NMRK2: variants seen among roughly 807,000 people sequenced by gnomAD.
NMRK2 encodes nicotinamide riboside kinase 2, also known as NRK 2.
A neutral mutation model predicts 24.7 loss-of-function variants in NMRK2; 34 were observed. The ratio of observed to expected loss-of-function variants is 1.37; its 90% confidence interval spans 1.05 to 1.83. The LOEUF is 1.83. NMRK2 is among the 40% of genes most tolerant of loss of function. NMRK2 has a pLI of 0.00. For synonymous variants in NMRK2, 145 were observed against 125.6 expected, an observed-to-expected ratio of 1.15 and a Z score of -1.03; for missense variants, 341 against 315.0, an observed-to-expected ratio of 1.08 and a Z score of -0.62.
rs146363585 is a variant in NMRK2, at chr19:3,942,237, G to T, written c.657G>T (p.Thr219=). The T allele has an allele frequency of 1.1e-5, 17 of 1,612,102 alleles. 1 individual carries two copies. In the South Asian group the frequency reaches 1.9e-4, roughly 18 times the overall value. Reference sequence around the variant, plus strand: ...CCGGACGCGGATGCGGCCACAGAACGGCCAGGCCTGCAGCGTCCCAGCAGG... The same window carrying T: ...CCGGACGCGGATGCGGCCACAGAACTGCCAGGCCTGCAGCGTCCCAGCAGG... ...QGPGRGCGHR[T]ARPAASQQDS... The change falls in exon 8 of 8, where the codon ACG becomes ACT. Residue 219 remains threonine, a synonymous_variant. Transcript: ENST00000168977.
At chr19:3,934,580 G>C (rs1410962213) in intron 2 of NMRK2, among the ~76,000 whole-genome samples, 3 of 147,364 alleles carry the variant, frequency 2.0e-5, no homozygotes, top group African/African-American at 7.5e-5. Context: ...GGGGGGTGTT[G>C]TTGTTGCCGT....
chr19:3,937,138 C>A (rs2145294409), intron 3 of NMRK2, 102 bp from the exon 4 acceptor site: 5 of 1,147,794 alleles, frequency 4.4e-6, no homozygotes, highest in Non-Finnish European at 6.5e-6. Flanking sequence ...GCCTCAGGGA[C>A]CTCAGCAGCT....
intron 6 of NMRK2, 36 bp downstream of exon 6, chr19:3,940,007 A>C (rs767487870): frequency 3.2e-6 from 5 of 1,576,302 alleles, no homozygotes; most frequent in East Asian, 2.2e-5. Context: ...TGGGCTCCTG[A>C]GGGCCCTGTC....
intron 5 of NMRK2, 63 bp downstream of exon 5, chr19:3,938,822 G>GTTTTTTTTTTTTTTTTGT: frequency 5.5e-6 from 1 of 180,984 alleles, no homozygotes. Context: ...GCCATCTCTT[G>GTTTTTTTTTTTTTTTTGT]TTTTTTTTTT....
At chr19:3,933,877 G>C (rs570257884) in intron 2 of NMRK2, among the ~76,000 whole-genome samples, 180 bp downstream of exon 2, 187 of 152,134 alleles carry the variant, frequency 1.2e-3, no homozygotes, top group African/African-American at 4.5e-3. Context: ...CAGTGGGAAG[G>C]GGGGCTGGAC....
chr19:3,937,085 T>C (rs1413741105), intron 3 of NMRK2, 155 bp from the exon 4 acceptor site: 4 of 695,852 alleles, frequency 5.7e-6, no homozygotes, highest in Non-Finnish European at 7.7e-6. Flanking sequence ...AATGAGATGA[T>C]TGATGGTCTG....
intron 2 of NMRK2, 38 bp downstream of exon 2, chr19:3,933,735 C>A: frequency 7.2e-7 from 1 of 1,394,212 alleles, no homozygotes; most frequent in Non-Finnish European, 9.3e-7. Context: ...CCCTGCGGGG[C>A]AAAGCCCCCT....
rs1312776341 is a variant in NMRK2, at chr19:3,940,751, AAAG to A, written c.396-318_396-316del. 1.2e-3 allele frequency among the ~76,000 whole-genome samples: 180 copies of A among 148,468 alleles called. 1 individual carries two copies. The highest frequency in any genetic ancestry group is 4.1e-3 in the African/African-American group (167 of 41,122). On this transcript the variant is annotated intron_variant, in intron 6 of 7. Coordinates refer to ENST00000168977, the MANE Select transcript of NMRK2 (RefSeq NM_170678.3). ...TTCCATCTCAAAAAAAAAAAAAAAA[AAAG>A]AGAAAACGCCACTGGACACGGGCCA...
rs1273690249 is a variant in NMRK2 at position 3,937,164 on chromosome 19, C to G, written c.118-76C>G. 2.0e-6 allele frequency: 3 copies of G among 1,496,538 alleles called. No individual in the cohort carries two copies. The African/African-American group carries it at 4.1e-5, about 21-fold the overall frequency. The allele number at this position is 1,496,538 out of a possible 1,614,324, so 92.7% of individuals were successfully genotyped here. A position where few individuals can be genotyped will look rare whatever the true frequency, so the allele number is the denominator to read the frequency against. On this transcript the variant is annotated intron_variant, in intron 3 of 7. Coordinates refer to ENST00000168977, the MANE Select transcript of NMRK2 (RefSeq NM_170678.3). ...CTCAGCAGCTCCAGCAAGGGACCCC[C>G]TAAGACTCCATCACCCAGGCCGGGG...
At position 3,942,101 on chromosome 19, in the gene NMRK2, A is replaced by C. The variant is rs753831606; in HGVS notation, c.521A>C (p.Lys174Thr). The change falls in exon 8 of 8, where the codon AAG becomes ACG. Residue 174 changes from lysine (K) to threonine (T), a missense_variant. By Grantham distance (78) the Lys-to-Thr change is moderately conservative. Transcript: ENST00000168977. ...ATTTCAGTCTACCTGGACGGCATGA[A>C]GTCCCGAGAGGAGCTCTTCCGTGAA... Reference protein sequence around the residue: ...GVEVVYLDGMKSREELFREVL... With the variant: ...GVEVVYLDGMTSREELFREVL... 1 of 1,613,176 alleles carries C rather than the reference A, an allele frequency of 6.2e-7. No homozygotes were observed. Among genetic ancestry groups the C allele is most frequent in the African/African-American group, 1.3e-5 (1 of 75,020 alleles).
chr19:3,937,784 C>T (rs1288121058), intron 4 of NMRK2, among the ~76,000 whole-genome samples: 5 of 120,284 alleles, frequency 4.2e-5, no homozygotes, highest in Admixed American at 8.1e-5. Context: ...ACTGTCCCCC[C>T]GGGGTCCGCC....
At chr19:3,936,407 C>CA (rs141137993) in intron 2 of NMRK2, among the ~76,000 whole-genome samples, 168 bp from the exon 3 acceptor site, 21,046 of 149,468 alleles carry the variant, frequency 0.14, 1,712 homozygotes, top group South Asian at 0.26. Flanking sequence ...GACTTGGTCT[C>CA]AAAAAAAAAG....
At chr19:3,936,876 T>C (rs2039223576) in intron 3 of NMRK2, among the ~76,000 whole-genome samples, 1 of 152,114 alleles carries the variant, frequency 6.6e-6, no homozygotes, top group Non-Finnish European at 1.5e-5. Flanking sequence ...ACCTATTTCA[T>C]ACGCAGCCCA....
intron 2 of NMRK2, among the ~76,000 whole-genome samples, chr19:3,934,951 AC>A (rs1189280177): frequency 4.6e-5 from 7 of 152,064 alleles, no homozygotes; most frequent in Non-Finnish European, 7.4e-5. Context: ...GTCACAGCCC[AC>A]CCGGGGCACA....
chr19:3,938,818 T>TA, intron 5 of NMRK2, 59 bp downstream of exon 5: 2 of 530,892 alleles, frequency 3.8e-6, no homozygotes, highest in Non-Finnish European at 5.5e-6. Flanking sequence ...TATAGCCATC[T>TA]CTTGTTTTTT....
intron 6 of NMRK2, among the ~76,000 whole-genome samples, chr19:3,940,698 G>A (rs1166071836): frequency 2.1e-5 from 3 of 143,704 alleles, no homozygotes; most frequent in African/African-American, 7.8e-5. Flanking sequence ...TCAGGCTACT[G>A]TACTCCAACC....
At chr19:3,937,218 G>A in intron 3 of NMRK2, 22 bp from the exon 4 acceptor site, 1 of 1,612,512 alleles carries the variant, frequency 6.2e-7, no homozygotes. Flanking sequence ...CTGAGCCCGA[G>A]GTTCAGGCTC....
At chr19:3,940,671 G>A (rs1385393483) in intron 6 of NMRK2, among the ~76,000 whole-genome samples, 2 of 149,512 alleles carry the variant, frequency 1.3e-5, no homozygotes, top group African/African-American at 2.5e-5. Context: ...GGAGGTGGAG[G>A]TTGCAGTGAG....
intron 6 of NMRK2, among the ~76,000 whole-genome samples, chr19:3,940,636 G>A (rs1817825432): frequency 1.3e-5 from 2 of 151,508 alleles, no homozygotes; most frequent in Non-Finnish European, 2.9e-5. Flanking sequence ...TCAGGAGGCT[G>A]AGGCAAGAGA....
Sources: gnomAD v4.1 joint callset for allele counts (sites outside exome capture counted in the v4.1 genomes callset) on GRCh38, gnomAD v4.1.1 for gene constraint, MANE v1.5 for transcripts, NCBI Gene and HGNC (gene_info 2026-07-23, HGNC 2026-07-21) for gene names.